RNF135: variants seen among roughly 807,000 people sequenced by gnomAD.
RNF135 encodes E3 ubiquitin-protein ligase RNF135.
A neutral mutation model predicts 41.9 loss-of-function variants in RNF135; 46 were observed. The observed-to-expected ratio is 1.10, with a 90% CI of 0.87 to 1.40. RNF135 has a LOEUF of 1.40. Among genes scored for constraint, RNF135 ranks in the 40% most tolerant of loss-of-function variants. RNF135 has a pLI of 0.00. For synonymous variants in RNF135, 238 were observed against 223.8 expected, an observed-to-expected ratio of 1.06 and a Z score of -0.57; for missense variants, 539 against 549.8, an observed-to-expected ratio of 0.98 and a Z score of 0.20.
the RNF135 span, among the ~76,000 whole-genome samples, chr17:30,960,372 C>CA: frequency 6.7e-6 from 1 of 150,272 alleles, no homozygotes; most frequent in East Asian, 2.0e-4. Flanking sequence ...AGCCTGGCGA[C>CA]AGAGTGAGAC....
chr17:30,993,991 G>A, intron 3 of RNF135: 1 of 474,528 alleles, frequency 2.1e-6, no homozygotes, highest in Non-Finnish European at 3.7e-6. Context: ...TTTTTGTAGA[G>A]ATGAGGTTTT....
intron 3 of RNF135, chr17:30,994,040 A>C (rs1025279875): frequency 3.2e-5 from 14 of 431,760 alleles, no homozygotes; most frequent in Non-Finnish European, 1.6e-5. Flanking sequence ...CTTGGGCTCA[A>C]GCGATCCTCC....
chr17:30,983,351 ATATTTTTTT>A (rs1907345583), intron 1 of RNF135, among the ~76,000 whole-genome samples: 1 of 42,040 alleles, frequency 2.4e-5, no homozygotes, highest in African/African-American at 9.6e-5. Flanking sequence ...ATATATATAT[ATATTTTTTT>A]TTTTTTTTTT....
intron 3 of RNF135, among the ~76,000 whole-genome samples, chr17:30,994,258 C>T (rs936027941): frequency 1.3e-5 from 2 of 152,150 alleles, no homozygotes; most frequent in African/African-American, 4.8e-5. Flanking sequence ...AAGTAGGCAG[C>T]TCAGGCAGGT....
intron 1 of RNF135, among the ~76,000 whole-genome samples, chr17:30,983,544 G>A (rs1907372664): frequency 6.7e-6 from 1 of 150,356 alleles, no homozygotes; most frequent in African/African-American, 2.4e-5. Flanking sequence ...AGTAGAGATG[G>A]GGTTTCACCA....
chr17:30,968,953 A>G (rs925864473), upstream of RNF135: 1 of 151,740 alleles, frequency 6.6e-6, no homozygotes, highest in African/African-American at 2.4e-5. Context: ...CACAGTCTTG[A>G]CCTCCTGAGA....
At chr17:30,988,716 G>A (rs546145811) in intron 3 of RNF135, among the ~76,000 whole-genome samples, 6 of 149,538 alleles carry the variant, frequency 4.0e-5, no homozygotes, top group Admixed American at 2.0e-4. Context: ...GTGAGCCACC[G>A]TGCCTGGCCT....
chr17:30,990,380 C>T (rs546490746), intron 3 of RNF135, among the ~76,000 whole-genome samples: 9 of 151,986 alleles, frequency 5.9e-5, no homozygotes, highest in Non-Finnish European at 1.2e-4. Flanking sequence ...AAAAATTAGC[C>T]GGGCGTGGTG....
intron 1 of RNF135, chr17:30,976,041 C>T (rs899323444): frequency 3.9e-6 from 1 of 256,820 alleles, no homozygotes; most frequent in African/African-American, 2.2e-5. Context: ...GCGTCTCGCT[C>T]TGTTGCCAGA....
At chr17:30,991,874 T>C (rs1303763650) in intron 3 of RNF135, among the ~76,000 whole-genome samples, 1 of 152,158 alleles carries the variant, frequency 6.6e-6, no homozygotes, top group Non-Finnish European at 1.5e-5. Flanking sequence ...ATGTCATTTG[T>C]CTTTTTATTT....
At chr17:30,979,669 C>T (rs1215698341) in intron 1 of RNF135, among the ~76,000 whole-genome samples, 2 of 142,056 alleles carry the variant, frequency 1.4e-5, no homozygotes, top group Admixed American at 6.8e-5. Context: ...GGCTGATCCC[C>T]CCCACCTCCC....
At chr17:30,979,626 C>T (rs1376869649) in intron 1 of RNF135, among the ~76,000 whole-genome samples, 10 of 126,584 alleles carry the variant, frequency 7.9e-5, no homozygotes, top group Non-Finnish European at 6.8e-5. Context: ...AGGCGCCCCT[C>T]ACCTCCCGGA....
At chr17:30,991,934 A>AT (rs369208967) in intron 3 of RNF135, among the ~76,000 whole-genome samples, 5,340 of 140,092 alleles carry the variant, frequency 0.038, 204 homozygotes, top group African/African-American at 0.093. Context: ...AATTTATGTA[A>AT]TTTTTTTTTT....
In RNF135 at chr17:30,999,157, G is replaced by A. The variant is rs757477675; in HGVS notation, c.1265G>A (p.Gly422Glu). The A allele has an allele frequency of 1.2e-6, 2 of 1,614,054 alleles. No homozygotes were observed. The highest frequency in any genetic ancestry group is 3.3e-5 in the Admixed American group (2 of 59,998). Residue 422 changes from glycine to glutamate, a missense_variant, in exon 5 of 5, where the codon GGA becomes GAA. Around this residue, in one of 2 missense-constraint regions of RNF135, gnomAD observed 262 missense variants for 336.9 expected, o/e 0.78. Transcript: ENST00000328381. ...PAFWLYGLHPGNYLIIKQVKV is the reference protein window; with the variant it reads ...PAFWLYGLHPENYLIIKQVKV ...TTCTGGCTGTATGGCTTACATCCTG[G>A]AAATTACCTGATAATAAAGCAAGTA...
At chr17:30,997,411 A>AG in intron 4 of RNF135, 80 bp downstream of exon 4, 16 of 1,191,802 alleles carry the variant, frequency 1.3e-5, no homozygotes, top group Non-Finnish European at 1.6e-5. Flanking sequence ...CCATCTCCCT[A>AG]CTGCTAGGGC....
intron 3 of RNF135, 105 bp from the exon 4 acceptor site, chr17:30,997,134 AGAT>A (rs1908401940): frequency 1.2e-6 from 1 of 837,858 alleles, no homozygotes. Context: ...AAAAATGTGT[AGAT>A]GATAAGAAGA....
upstream of RNF135, among the ~76,000 whole-genome samples, chr17:30,968,292 C>CA (rs1188089121): frequency 0.21 from 27,298 of 127,708 alleles, 8,090 homozygotes; most frequent in African/African-American, 0.66. Context: ...GACTCCATCT[C>CA]AAAAAAAAAA....
chr17:30,997,590 C>A, intron 4 of RNF135: 1 of 553,418 alleles, frequency 1.8e-6, no homozygotes, highest in Non-Finnish European at 3.6e-6. Context: ...TGTTCCCAAA[C>A]CTGCTGAGGT....
intron 3 of RNF135, chr17:30,993,863 T>G (rs1042129521): frequency 1.3e-6 from 1 of 742,398 alleles, no homozygotes; most frequent in Non-Finnish European, 2.3e-6. Context: ...CAGGCTGGAG[T>G]GCAGTGGCAC....
Sources: allele counts gnomAD v4.1 joint callset (sites outside exome capture counted in the v4.1 genomes callset), GRCh38; gene constraint gnomAD v4.1.1; regional missense constraint gnomAD v4.1.1; transcripts MANE v1.5; gene names NCBI Gene and HGNC (gene_info 2026-07-23, HGNC 2026-07-21).